The following MROH7 variants were observed in gnomAD, a reference collection of about 807,000 sequenced individuals.
The protein encoded by MROH7 is maestro heat-like repeat-containing protein family member 7.
Under a neutral mutation model 129.2 loss-of-function variants are expected in MROH7, and 113 were observed. The ratio of observed to expected loss-of-function variants is 0.87; its 90% CI spans 0.75 to 1.02. MROH7 has a LOEUF of 1.02. Among genes scored for constraint, MROH7 ranks in the 50% least tolerant of loss-of-function variants. The probability of loss-of-function intolerance (pLI) is 0.00; values close to 1 mark genes in which losing one functional copy is unlikely to be tolerated. For synonymous variants in MROH7, 655 were observed against 667.9 expected (o/e 0.98, Z 0.30); for missense variants, 1,601 against 1,671.3 (o/e 0.96, Z 0.73).
rs759342579 is a variant in MROH7, at chr1:54,700,234, A to G, written c.2965-87A>G. ...AGCTCCGGGCAGAGCTGAGCCTGGT[A>G]TCCAATGTGCAATCCCAGTGCATGG... On this transcript the variant is annotated intron_variant, in intron 17 of 23. Coordinates refer to ENST00000421030, the MANE Select transcript of MROH7 (RefSeq NM_001039464.4). 3.5e-5 allele frequency: 55 copies of G among 1,551,480 alleles called. No individual in the cohort carries two copies. The South Asian group carries it at 4.6e-4, about 13-fold the overall frequency.
intron 12 of MROH7, 34 bp from the exon 13 acceptor site, chr1:54,679,857 C>A: frequency 1.9e-6 from 3 of 1,590,322 alleles, no homozygotes; most frequent in Non-Finnish European, 2.6e-6. Flanking sequence ...CCTTGGCAGT[C>A]CCCTTGCTCA....
At chr1:54,687,981 G>A (rs1187163727) in intron 15 of MROH7, among the ~76,000 whole-genome samples, 2 of 147,248 alleles carry the variant, frequency 1.4e-5, no homozygotes, top group Admixed American at 6.9e-5. Flanking sequence ...CAATCCTCTC[G>A]CTTGAGCCTG....
In MROH7 at chr1:54,679,878, G is replaced by A. The variant is rs200504015; in HGVS notation, c.2227-13G>A. On this transcript the variant is annotated splice_polypyrimidine_tract_variant and intron_variant, in intron 12 of 23. Coordinates refer to ENST00000421030, the MANE Select transcript of MROH7 (RefSeq NM_001039464.4). ...CAGTCCCCTTGCTCATGGCTGCCCC[G>A]GCTGTGCCCCAGATCCCAGAAATCA... 26 of 1,600,842 alleles carry A rather than the reference G, an allele frequency of 1.6e-5. No homozygotes were observed. In the East Asian group the frequency reaches 1.8e-4, roughly 11 times the overall value.
At chr1:54,670,692 C>A (rs372257221) in intron 6 of MROH7, 108 bp from the exon 7 acceptor site, 14 of 784,136 alleles carry the variant, frequency 1.8e-5, no homozygotes, top group African/African-American at 1.7e-4. Flanking sequence ...TCGCCCGGTG[C>A]CTTTTCCCCT....
intron 17 of MROH7, chr1:54,699,159 T>TTTCCTTTCTTTCTTTC (rs71048705): frequency 3.0e-5 from 2 of 65,920 alleles, no homozygotes; most frequent in African/African-American, 5.7e-5. Flanking sequence ...TCTTTCTTTC[T>TTTCCTTTCTTTCTTTC]TTTCTTTCTT....
intron 17 of MROH7, 179 bp downstream of exon 17, chr1:54,695,669 C>G: frequency 1.5e-6 from 1 of 661,498 alleles, no homozygotes; most frequent in East Asian, 2.8e-5. Context: ...GTCTCTCCAC[C>G]CTTTACTCCA....
intron 1 of MROH7, among the ~76,000 whole-genome samples, chr1:54,647,494 C>G (rs779427407): frequency 1.2e-3 from 175 of 152,158 alleles, no homozygotes; most frequent in Admixed American, 4.5e-3. Context: ...AATCCCAGCA[C>G]CTTCGCAGGC....
At chr1:54,668,613 C>T (rs1451463152) in intron 4 of MROH7, among the ~76,000 whole-genome samples, 2 of 152,136 alleles carry the variant, frequency 1.3e-5, no homozygotes, top group Non-Finnish European at 2.9e-5. Context: ...GAGTACTTTG[C>T]AGTCCCTCAT....
chr1:54,664,446 G>A (rs533569076), intron 3 of MROH7, among the ~76,000 whole-genome samples: 5 of 152,216 alleles, frequency 3.3e-5, no homozygotes, highest in Non-Finnish European at 7.4e-5. Flanking sequence ...CCTTAGTGGG[G>A]CAAGGAGGTA....
Position 54,700,398 on chromosome 1 carries a change from C to T in MROH7, c.3042C>T (p.His1014=), listed in dbSNP as rs762082440. 12 of 1,613,656 alleles carry T rather than the reference C, an allele frequency of 7.4e-6. No individual in the cohort carries two copies. Among genetic ancestry groups the T allele is most frequent in the East Asian group, 6.7e-5 (3 of 44,882 alleles). The change falls in exon 18 of 24, where the codon CAC becomes CAT. Residue 1014 remains histidine, a synonymous_variant. Transcript: ENST00000421030. ...GGATGGCAGAAGGCCTGAGCCACCACGACCCCATCATGAAGGTGCTGTCCA... is the reference window on the plus strand; with the variant it reads ...GGATGGCAGAAGGCCTGAGCCACCATGACCCCATCATGAAGGTGCTGTCCA... The part of the protein sequence containing the change: ...LGRMAEGLSH[H]DPIMKVLSIR...
intron 3 of MROH7, among the ~76,000 whole-genome samples, chr1:54,656,572 CAGCACTTTGGGAAGCCG>C (rs1644651839): frequency 6.6e-6 from 1 of 150,652 alleles, no homozygotes; most frequent in Non-Finnish European, 1.5e-5. Flanking sequence ...CCTGTAGTCC[CAGCACTTTGGGAAGCCG>C]AGGTGGGTGG....
intron 3 of MROH7, among the ~76,000 whole-genome samples, chr1:54,660,626 C>CA (rs1336406916): frequency 2.6e-5 from 4 of 152,080 alleles, no homozygotes; most frequent in African/African-American, 9.7e-5. Flanking sequence ...CCAGCCTGAC[C>CA]AACATGGAGA....
intron 16 of MROH7, among the ~76,000 whole-genome samples, chr1:54,693,879 T>TTTTA (rs997555210): frequency 7.2e-5 from 11 of 152,156 alleles, no homozygotes; most frequent in Non-Finnish European, 1.2e-4. Context: ...GAAATAGCAC[T>TTTTA]TTTATTTATT....
rs111363520 is a variant in MROH7, at chr1:54,702,284, C to T, written c.3441+39C>T. On this transcript the variant is annotated intron_variant, in intron 20 of 23. Transcript: ENST00000421030. ...GGCCCTGCACCCTCTACCCCTCCCT[C>T]GGGTCCTGTGGGCGCACCTCTTTTT... The T allele has an allele frequency of 1.9e-3, 2,684 of 1,381,892 alleles. 41 individuals carry two copies. The African/African-American group carries it at 0.035, about 18-fold the overall frequency. 85.6% of individuals were successfully genotyped at this position (1,381,892 alleles called of 1,614,324 possible).
At chr1:54,691,812 G>GTT (rs1645243599) in intron 15 of MROH7, among the ~76,000 whole-genome samples, 1 of 122,294 alleles carries the variant, frequency 8.2e-6, no homozygotes, top group Non-Finnish European at 1.7e-5. Flanking sequence ...AAGTGTGTGT[G>GTT]TGTGTGTGTG....
At chr1:54,679,001 C>G in intron 11 of MROH7, 147 bp downstream of exon 11, 2 of 711,230 alleles carry the variant, frequency 2.8e-6, no homozygotes, top group South Asian at 3.4e-5. Context: ...GTGCCCTCCT[C>G]CTCCAGTCTG....
Position 54,679,912 on chromosome 1 carries a change from A to T in MROH7, c.2248A>T (p.Ile750Phe). Reference protein sequence around the residue: ...LEVIPEIMQGIYMQLSHIQEP... With the variant: ...LEVIPEIMQGFYMQLSHIQEP... ...CCAGATCCCAGAAATCATGCAAGGC[A>T]TCTACATGCAGCTGAGCCACATCCA... is the stretch of plus-strand genomic sequence containing the variant. The change falls in exon 13 of 24, where the codon ATC (isoleucine) becomes TTC (phenylalanine). Residue 750 changes from isoleucine (I) to phenylalanine (F), a missense_variant. Transcript: ENST00000421030. The T allele has an allele frequency of 1.2e-6, 2 of 1,612,044 alleles. No individual in the cohort carries two copies. Among genetic ancestry groups the T allele is most frequent in the Non-Finnish European group, 1.7e-6 (2 of 1,179,464 alleles).
chr1:54,649,059 G>A (rs1352429432), intron 1 of MROH7, among the ~76,000 whole-genome samples: 2 of 152,172 alleles, frequency 1.3e-5, no homozygotes, highest in Non-Finnish European at 2.9e-5. Context: ...TTCTGTGTGT[G>A]CAAATGTGTG....
intron 1 of MROH7, among the ~76,000 whole-genome samples, chr1:54,647,274 A>G (rs1159552217): frequency 6.6e-6 from 1 of 152,138 alleles, no homozygotes; most frequent in Non-Finnish European, 1.5e-5. Flanking sequence ...TTGCTCTTAC[A>G]TGTAGGTCTT....
Sources: allele counts gnomAD v4.1 joint callset (sites outside exome capture counted in the v4.1 genomes callset), GRCh38; gene constraint gnomAD v4.1.1; transcripts MANE v1.5; gene names NCBI Gene and HGNC (gene_info 2026-07-23, HGNC 2026-07-21).